Variants in ZGRF1 observed in about 807,000 individuals in gnomAD.
ZGRF1 encodes the protein 5'-3' DNA helicase ZGRF1.
Under a neutral mutation model 203.5 loss-of-function variants are expected in ZGRF1, and 196 were observed. That is an observed-to-expected ratio of 0.96 (90% CI 0.86 to 1.08). The LOEUF (loss-of-function observed/expected upper bound fraction) is 1.08. Ranked by LOEUF, ZGRF1 falls within the 50% of genes least tolerant of loss-of-function variation. ZGRF1 has a pLI of 0.00. For synonymous variants in ZGRF1, 809 were observed against 841.3 expected, an observed-to-expected ratio of 0.96 and a Z score of 0.66; for missense variants, 2,326 against 2,416.3, an observed-to-expected ratio of 0.96 and a Z score of 0.78.
intron 10 of ZGRF1, among the ~76,000 whole-genome samples, chr4:112,596,794 C>T (rs943257668): frequency 2.0e-5 from 3 of 152,004 alleles, no homozygotes; most frequent in South Asian, 2.1e-4. Flanking sequence ...GGTTTTGCCC[C>T]GTTGCCCAGG....
chr4:112,558,123 C>T, intron 20 of ZGRF1, 27 bp downstream of exon 20: 1 of 1,587,070 alleles, frequency 6.3e-7, no homozygotes, highest in Non-Finnish European at 8.6e-7. Flanking sequence ...AAAACATTAG[C>T]TACTTAAATG....
intron 14 of ZGRF1, 133 bp downstream of exon 14, chr4:112,585,408 G>A (rs1746992583): frequency 7.4e-6 from 4 of 538,476 alleles, no homozygotes; most frequent in African/African-American, 2.0e-5. Context: ...TTTAATGTAT[G>A]TTAGGTACCA....
Position 112,587,844 on chromosome 4 carries a change from C to G in ZGRF1, c.3213G>C (p.Leu1071Phe). The G allele has an allele frequency of 1.3e-6, 2 of 1,551,378 alleles. No homozygotes were observed. The highest frequency in any genetic ancestry group is 1.7e-6 in the Non-Finnish European group (2 of 1,146,814). Reference sequence around the variant, plus strand: ...AGTCAGGTGGCCCATCAGTACGTGGCAAAGTAATAAGTGGAACCTGGGTTC... The same window carrying G: ...AGTCAGGTGGCCCATCAGTACGTGGGAAAGTAATAAGTGGAACCTGGGTTC... ...LSRTQVPLITLPRTDGPPDLD... is the reference protein window; with the variant it reads ...LSRTQVPLITFPRTDGPPDLD... Residue 1071 changes from leucine to phenylalanine, a missense_variant, in exon 12 of 28, where the codon TTG becomes TTC. Leu to Phe is a conservative substitution (Grantham distance 22, BLOSUM62 0). Coordinates refer to ENST00000505019, the MANE Select transcript of ZGRF1 (RefSeq NM_018392.5).
intron 16 of ZGRF1, among the ~76,000 whole-genome samples, chr4:112,574,026 G>A (rs1265517355): frequency 6.6e-6 from 1 of 152,154 alleles, no homozygotes; most frequent in East Asian, 1.9e-4. Flanking sequence ...CTTAGAATGA[G>A]TACAAACTGA....
intron 22 of ZGRF1, among the ~76,000 whole-genome samples, chr4:112,552,936 TAGA>T (rs1228813137): frequency 3.3e-5 from 5 of 152,238 alleles, no homozygotes; most frequent in African/African-American, 1.2e-4. Flanking sequence ...TGCCATCTGT[TAGA>T]AGATCATGCC....
At chr4:112,594,103 A>G (rs1466313348) in intron 10 of ZGRF1, among the ~76,000 whole-genome samples, 28 of 152,068 alleles carry the variant, frequency 1.8e-4, no homozygotes, top group Admixed American at 1.8e-3. Flanking sequence ...GAGTACTTTC[A>G]CAGATTTCCT....
chr4:112,624,079 G>C (rs1390017684), intron 3 of ZGRF1: 1 of 362,150 alleles, frequency 2.8e-6, no homozygotes, highest in Non-Finnish European at 5.1e-6. Flanking sequence ...ATACATAAAA[G>C]AAATTCGGGC....
chr4:112,636,510 TAAAC>T (rs1197615306), intron 1 of ZGRF1, among the ~76,000 whole-genome samples: 1 of 152,098 alleles, frequency 6.6e-6, no homozygotes, highest in African/African-American at 2.4e-5. Flanking sequence ...CCAGTCCAAA[TAAAC>T]AAAGGAAACC....
intron 16 of ZGRF1, among the ~76,000 whole-genome samples, chr4:112,575,573 C>T (rs1351899533): frequency 1.6e-4 from 25 of 152,304 alleles, no homozygotes; most frequent in Admixed American, 1.6e-3. Context: ...TGGGTCACTC[C>T]CACTCTAATA....
intron 22 of ZGRF1, 45 bp downstream of exon 22, chr4:112,553,790 T>C (rs1304200724): frequency 3.3e-6 from 5 of 1,498,468 alleles, no homozygotes; most frequent in Non-Finnish European, 4.5e-6. Context: ...AGAATCTGAA[T>C]GGTATATATA....
rs911917857 is a variant in ZGRF1 at position 112,636,858 on chromosome 4, A to G, written c.-74T>C. 2 of 152,168 alleles carry G rather than the reference A, an allele frequency of 1.3e-5. No individual in the cohort carries two copies. Among genetic ancestry groups the G allele is most frequent in the Non-Finnish European group, 2.9e-5 (2 of 68,044 alleles). The allele number at this position is 152,168 out of a possible 1,614,324, so 9.4% of individuals were successfully genotyped here. Reference sequence around the variant, plus strand: ...AGAAACACTTCACCTCACCTGTCAAATTGCACAAAATCCACTTTCGAATTT... The same window carrying G: ...AGAAACACTTCACCTCACCTGTCAAGTTGCACAAAATCCACTTTCGAATTT... On this transcript the variant is annotated 5_prime_UTR_variant, in exon 1 of 28. Coordinates refer to ENST00000505019, the MANE Select transcript of ZGRF1 (RefSeq NM_018392.5).
At position 112,565,310 on chromosome 4, in the gene ZGRF1, C is replaced by G; in HGVS notation, c.4439-2036G>C. The G allele has an allele frequency of 2.7e-6, 4 of 1,464,396 alleles. No individual in the cohort carries two copies. The South Asian group carries it at 4.6e-5, about 17-fold the overall frequency. The allele number at this position is 1,464,396 out of a possible 1,614,324, so 90.7% of individuals were successfully genotyped here. ...TATCTGGTTGGCCTTTTTGAAGACA[C>G]CAACCTGTGTGCTATCCATGCCAAA... On this transcript the variant is annotated intron_variant, in intron 16 of 27. Coordinates refer to ENST00000505019, the MANE Select transcript of ZGRF1 (RefSeq NM_018392.5).
At chr4:112,636,069 A>C (rs527644168) in intron 1 of ZGRF1, among the ~76,000 whole-genome samples, 1 of 152,296 alleles carries the variant, frequency 6.6e-6, no homozygotes, top group Admixed American at 6.5e-5. Context: ...AATCAGAAAA[A>C]ATTATTTTAG....
chr4:112,555,126 C>T (rs560887281), intron 20 of ZGRF1, among the ~76,000 whole-genome samples: 14 of 152,208 alleles, frequency 9.2e-5, no homozygotes, highest in African/African-American at 3.1e-4. Context: ...TTAGGAAGAG[C>T]CTCTTTACAT....
At chr4:112,559,391 C>A (rs1241562302) in intron 19 of ZGRF1, among the ~76,000 whole-genome samples, 1 of 152,082 alleles carries the variant, frequency 6.6e-6, no homozygotes, top group East Asian at 1.9e-4. Context: ...GTAGAGACAG[C>A]ATTTTGCCAT....
Position 112,619,401 on chromosome 4 carries a change from CAAAAAT to C in ZGRF1, c.635_640del (p.Tyr212_Phe213del). ...CTTATTTCCAGAATTGACAGGTGAGCAAAAATAATTTTCTTCACACAGCACTTCTGG... is the reference window on the plus strand; with the variant it reads ...CTTATTTCCAGAATTGACAGGTGAGCAATTTTCTTCACACAGCACTTCTGG... On this transcript the variant is annotated inframe_deletion, in exon 6 of 28. Coordinates refer to ENST00000505019, the MANE Select transcript of ZGRF1 (RefSeq NM_018392.5). 1 of 1,612,936 alleles carries C rather than the reference CAAAAAT, an allele frequency of 6.2e-7. No individual in the cohort carries two copies. Among genetic ancestry groups the C allele is most frequent in the Non-Finnish European group, 8.5e-7 (1 of 1,179,410 alleles).
chr4:112,594,069 A>G (rs1748602951), intron 10 of ZGRF1, among the ~76,000 whole-genome samples: 1 of 152,048 alleles, frequency 6.6e-6, no homozygotes, highest in African/African-American at 2.4e-5. Context: ...CACCCATTCT[A>G]AAGTAGATTC....
intron 16 of ZGRF1, among the ~76,000 whole-genome samples, chr4:112,564,639 T>C (rs1742660372): frequency 6.6e-6 from 1 of 152,220 alleles, no homozygotes; most frequent in Admixed American, 6.5e-5. Flanking sequence ...TATATTTCTT[T>C]ATACCTTCAT....
intron 1 of ZGRF1, among the ~76,000 whole-genome samples, chr4:112,636,503 G>T (rs1177990621): frequency 6.6e-6 from 1 of 152,002 alleles, no homozygotes; most frequent in Admixed American, 6.6e-5. Flanking sequence ...AAACCATCCA[G>T]TCCAAATAAA....
Sources: allele counts gnomAD v4.1 joint callset (sites outside exome capture counted in the v4.1 genomes callset), GRCh38; gene constraint gnomAD v4.1.1; transcripts MANE v1.5; gene names NCBI Gene and HGNC (gene_info 2026-07-23, HGNC 2026-07-21).